The following CSMD1 variants were observed in gnomAD, a reference collection of about 807,000 sequenced individuals.
CSMD1 encodes CUB and Sushi multiple domains 1.
In CSMD1, 213 loss-of-function variants were observed where a neutral mutation model predicts 417.5. That is an observed-to-expected ratio of 0.51 (90% confidence interval 0.46 to 0.57). CSMD1 has a LOEUF of 0.57. Among genes scored for constraint, CSMD1 ranks in the 20% least tolerant of loss-of-function variants. CSMD1 has a pLI of 0.00. For synonymous variants in CSMD1, 2,862 were observed against 1,736.8 expected (o/e 1.65, Z -16.11); for missense variants, 6,923 against 4,529.7 (o/e 1.53, Z -15.17).
intron 3 of CSMD1, among the ~76,000 whole-genome samples, chr8:4,051,040 G>A (rs569801512): frequency 1.3e-5 from 2 of 152,144 alleles, no homozygotes; most frequent in South Asian, 2.1e-4. Context: ...CCAACATGAT[G>A]CCTGAAATCC....
At chr8:3,882,331 A>C (rs555087107) in intron 5 of CSMD1, among the ~76,000 whole-genome samples, 9 of 152,358 alleles carry the variant, frequency 5.9e-5, no homozygotes, top group Non-Finnish European at 1.3e-4. Context: ...GATAAATTCA[A>C]ATAAAATCTC....
chr8:3,571,772 C>G (rs1442861452), intron 10 of CSMD1, among the ~76,000 whole-genome samples: 1 of 128,462 alleles, frequency 7.8e-6, no homozygotes, highest in Non-Finnish European at 1.7e-5. Flanking sequence ...GGCAATTTCC[C>G]CTGCACCACT....
intron 1 of CSMD1, among the ~76,000 whole-genome samples, chr8:4,701,550 G>A (rs962054657): frequency 1.3e-5 from 2 of 152,000 alleles, no homozygotes; most frequent in African/African-American, 2.4e-5. Context: ...ATGGGAGGGA[G>A]CAATACAGTA....
intron 5 of CSMD1, among the ~76,000 whole-genome samples, chr8:3,975,819 A>C (rs918573127): frequency 1.1e-4 from 17 of 152,204 alleles, no homozygotes; most frequent in African/African-American, 4.1e-4. Flanking sequence ...TTTTTATTCA[A>C]ATACATTCTT....
rs77779015 is a variant in CSMD1, at chr8:4,646,386, G to A, written c.86-8828C>T. ...CTATGTATTACTCTTGCTTTAATACGGGTGAAGCCAGAAGCTCCAGTGTCT... is the reference window on the plus strand; with the variant it reads ...CTATGTATTACTCTTGCTTTAATACAGGTGAAGCCAGAAGCTCCAGTGTCT... On this transcript the variant is annotated intron_variant, in intron 1 of 69. Transcript: ENST00000635120. Among the ~76,000 whole-genome samples, 673 of 152,218 alleles carry A rather than the reference G, an allele frequency of 4.4e-3. 22 individuals carry two copies. The East Asian group carries it at 0.087, about 20-fold the overall frequency.
intron 3 of CSMD1, among the ~76,000 whole-genome samples, chr8:4,364,096 C>G (rs1801933057): frequency 6.6e-6 from 1 of 152,154 alleles, no homozygotes. Flanking sequence ...AATAGCTACC[C>G]CATTCCCCAT....
At chr8:4,459,845 A>C (rs191952965) in intron 2 of CSMD1, among the ~76,000 whole-genome samples, 3 of 152,318 alleles carry the variant, frequency 2.0e-5, no homozygotes, top group Admixed American at 6.5e-5. Flanking sequence ...TAGATAACTA[A>C]AGCATGCCCC....
At chr8:4,612,233 C>T (rs1683094257) in intron 2 of CSMD1, among the ~76,000 whole-genome samples, 1 of 152,156 alleles carries the variant, frequency 6.6e-6, no homozygotes, top group Admixed American at 6.5e-5. Context: ...GTTTTCAACA[C>T]TTCCGTTTCC....
chr8:4,243,131 G>A (rs919751200), intron 3 of CSMD1, among the ~76,000 whole-genome samples: 1 of 151,992 alleles, frequency 6.6e-6, no homozygotes, highest in East Asian at 1.9e-4. Flanking sequence ...CAGACAAATT[G>A]AGCAGTTGGA....
Position 3,558,369 on chromosome 8 carries a change from G to A in CSMD1, c.1344+16576C>T, listed in dbSNP as rs200877093. On this transcript the variant is annotated intron_variant, in intron 10 of 69. Transcript: ENST00000635120. ...GTGTCCACTCCTCCAATGATGAATG[G>A]TGCCTCAGTAGTACCCCGTGTCCAC... Among the ~76,000 whole-genome samples the A allele has an allele frequency of 7.0e-3, 720 of 102,358 alleles. 19 individuals are homozygous for A. In the South Asian group the frequency reaches 0.074, roughly 10 times the overall value. 67.2% of individuals were successfully genotyped at this position (102,358 alleles called of 152,430 possible). A position where few individuals can be genotyped will look rare whatever the true frequency, so the allele number is the denominator to read the frequency against.
chr8:3,508,759 C>T (rs762212296), intron 10 of CSMD1, among the ~76,000 whole-genome samples: 15 of 151,940 alleles, frequency 9.9e-5, no homozygotes, highest in Non-Finnish European at 2.9e-5. Context: ...CTATTTAGAC[C>T]GAATAGAGGA....
At chr8:3,768,401 G>C (rs1044674729) in intron 5 of CSMD1, among the ~76,000 whole-genome samples, 5 of 152,100 alleles carry the variant, frequency 3.3e-5, no homozygotes, top group Non-Finnish European at 7.4e-5. Flanking sequence ...CATTCCTTTA[G>C]ATCAATCCAT....
chr8:4,404,977 G>C (rs928221660), intron 3 of CSMD1, among the ~76,000 whole-genome samples: 17 of 152,148 alleles, frequency 1.1e-4, no homozygotes, highest in African/African-American at 2.9e-4. Context: ...AGGCACAAGA[G>C]GATTAGTCAT....
intron 3 of CSMD1, among the ~76,000 whole-genome samples, chr8:4,070,406 G>A (rs1799484402): frequency 2.0e-5 from 3 of 152,078 alleles, no homozygotes; most frequent in African/African-American, 2.4e-5. Context: ...CGCCCAGGCT[G>A]GAGTGCAGTG....
chr8:3,417,650 G>A (rs189313334), intron 12 of CSMD1, among the ~76,000 whole-genome samples: 1,991 of 151,260 alleles, frequency 0.013, 46 homozygotes, highest in East Asian at 0.099. Flanking sequence ...TTCCATTTTC[G>A]CTGAAGAGAG....
At chr8:4,767,455 T>C (rs1270922365) in intron 1 of CSMD1, among the ~76,000 whole-genome samples, 1 of 152,136 alleles carries the variant, frequency 6.6e-6, no homozygotes, top group Non-Finnish European at 1.5e-5. Context: ...CGCACATAGC[T>C]CACTGGGGCT....
rs558613292 is a variant in CSMD1, at chr8:3,363,768, T to C, written c.3115+3264A>G. On this transcript the variant is annotated intron_variant, in intron 20 of 69. Coordinates refer to ENST00000635120, the MANE Select transcript of CSMD1 (RefSeq NM_033225.6). ...CCTTTTGAAGAGAATGACTGAGAAA[T>C]GATGCTAATTCACTAGAAGTTAGCA... Among the ~76,000 whole-genome samples the C allele has an allele frequency of 7.2e-5, 11 of 152,260 alleles. No individual in the cohort carries two copies. In the South Asian group the frequency reaches 2.3e-3, roughly 32 times the overall value.
intron 5 of CSMD1, among the ~76,000 whole-genome samples, chr8:3,987,290 TG>T (rs1321399799): frequency 6.6e-6 from 1 of 152,230 alleles, no homozygotes; most frequent in Non-Finnish European, 1.5e-5. Context: ...TAACATGTTC[TG>T]TGATGACCTC....
chr8:3,516,407 A>G (rs1024730847), intron 10 of CSMD1, among the ~76,000 whole-genome samples: 2 of 152,214 alleles, frequency 1.3e-5, no homozygotes, highest in African/African-American at 4.8e-5. Flanking sequence ...AAGCCCTGGA[A>G]TGCAGACTAG....
Sources: gnomAD v4.1 joint callset for allele counts (sites outside exome capture counted in the v4.1 genomes callset) on GRCh38, gnomAD v4.1.1 for gene constraint, MANE v1.5 for transcripts, NCBI Gene and HGNC (gene_info 2026-07-23, HGNC 2026-07-21) for gene names.